The following CADM2 variants were observed in gnomAD, a reference collection of about 807,000 sequenced individuals.
CADM2 encodes immunoglobulin superfamily member 4D.
A neutral mutation model predicts 49.8 loss-of-function variants in CADM2; 12 were observed. The observed-to-expected ratio is 0.24, with a 90% CI of 0.15 to 0.39. The LOEUF (loss-of-function observed/expected upper bound fraction) is 0.39. Ranked by LOEUF, CADM2 falls within the 10% of genes least tolerant of loss-of-function variation. CADM2 has a pLI of 1.00. For synonymous variants in CADM2, 214 were observed against 175.4 expected, an observed-to-expected ratio of 1.22 and a Z score of -1.74; for missense variants, 378 against 492.3, an observed-to-expected ratio of 0.77 and a Z score of 2.20.
chr3:85,624,083 G>T (rs1247391353), intron 1 of CADM2, among the ~76,000 whole-genome samples: 1 of 151,880 alleles, frequency 6.6e-6, no homozygotes, highest in Non-Finnish European at 1.5e-5. Flanking sequence ...TATTTAATTG[G>T]CATATTTAAA....
At chr3:85,795,503 T>C (rs1372967361) in intron 2 of CADM2, among the ~76,000 whole-genome samples, 1 of 152,148 alleles carries the variant, frequency 6.6e-6, no homozygotes, top group Non-Finnish European at 1.5e-5. Flanking sequence ...ACTAAAATCA[T>C]ACTTCAAAGT....
At chr3:86,013,457 G>A in intron 8 of CADM2, 1 of 1,589,982 alleles carries the variant, frequency 6.3e-7, no homozygotes, top group Middle Eastern at 2.3e-4. Flanking sequence ...CACTGCTGGA[G>A]TGCCAGATAA....
At chr3:85,359,651 TA>T (rs1389085980) in intron 1 of CADM2, among the ~76,000 whole-genome samples, 2 of 15,286 alleles carry the variant, frequency 1.3e-4, no homozygotes, top group East Asian at 1.3e-3. Flanking sequence ...TATATATATA[TA>T]TATATATATA....
chr3:85,419,863 T>C (rs73845501), intron 1 of CADM2, among the ~76,000 whole-genome samples: 1,763 of 152,074 alleles, frequency 0.012, 28 homozygotes, highest in African/African-American at 0.041. Flanking sequence ...CCTGGAGAGT[T>C]TTTTCAAAGC....
intron 1 of CADM2, among the ~76,000 whole-genome samples, chr3:85,157,510 GA>G (rs1354710943): frequency 3.3e-5 from 5 of 152,090 alleles, no homozygotes; most frequent in Non-Finnish European, 7.3e-5. Context: ...CAATGAAACA[GA>G]ACAGAGCCCT....
intron 1 of CADM2, among the ~76,000 whole-genome samples, chr3:85,205,104 A>G (rs1576113613): frequency 6.7e-6 from 1 of 149,530 alleles, no homozygotes; most frequent in East Asian, 2.0e-4. Flanking sequence ...TGCAGCCTCC[A>G]CCTCATGGGC....
intron 1 of CADM2, among the ~76,000 whole-genome samples, chr3:85,408,808 C>T (rs1249672883): frequency 6.6e-6 from 1 of 152,090 alleles, no homozygotes; most frequent in Non-Finnish European, 1.5e-5. Flanking sequence ...ACTTAGATGC[C>T]ACCATAGTCT....
intron 8 of CADM2, among the ~76,000 whole-genome samples, chr3:86,034,346 G>A (rs2107176914): frequency 6.6e-6 from 1 of 152,094 alleles, no homozygotes; most frequent in East Asian, 1.9e-4. Flanking sequence ...ATTAGGTCAT[G>A]AAGGTGGTGC....
intron 1 of CADM2, among the ~76,000 whole-genome samples, chr3:85,590,374 CT>C (rs2063071786): frequency 6.6e-6 from 1 of 151,924 alleles, no homozygotes; most frequent in East Asian, 1.9e-4. Context: ...CTTTATAGTA[CT>C]TGACCTCAAT....
intron 3 of CADM2, among the ~76,000 whole-genome samples, chr3:85,852,361 T>A (rs967891350): frequency 6.6e-6 from 1 of 152,072 alleles, no homozygotes; most frequent in African/African-American, 2.4e-5. Flanking sequence ...TTTTTCTCTC[T>A]CCAGAAGACT....
At chr3:85,212,812 CTCTTTCTTTCTTTCTTTCTTTCTTTCTT>C (rs61255712) in intron 1 of CADM2, among the ~76,000 whole-genome samples, 66 of 102,642 alleles carry the variant, frequency 6.4e-4, no homozygotes, top group African/African-American at 1.9e-3. Flanking sequence ...TCTTTTTCTT[CTCTTTCTTTCTTTCTTTCTTTCTTTCTT>C]TCTTTCTTTC....
At chr3:85,062,634 T>C (rs1470227959) in intron 1 of CADM2, among the ~76,000 whole-genome samples, 1 of 151,824 alleles carries the variant, frequency 6.6e-6, no homozygotes, top group Non-Finnish European at 1.5e-5. Context: ...AAATGACTTA[T>C]CAATATAAGG....
At chr3:85,927,738 G>A (rs574623416) in intron 6 of CADM2, among the ~76,000 whole-genome samples, 4 of 151,996 alleles carry the variant, frequency 2.6e-5, no homozygotes, top group Non-Finnish European at 4.4e-5. Context: ...CTCTTACTTA[G>A]CATTTTGGCC....
chr3:85,300,613 G>T (rs1316190826), intron 1 of CADM2, among the ~76,000 whole-genome samples: 1 of 152,090 alleles, frequency 6.6e-6, no homozygotes, highest in African/African-American at 2.4e-5. Flanking sequence ...CCAAGATCAA[G>T]AAACTAGAGG....
intron 1 of CADM2, among the ~76,000 whole-genome samples, chr3:85,597,584 A>G (rs564261237): frequency 1.3e-5 from 2 of 152,212 alleles, no homozygotes; most frequent in South Asian, 4.1e-4. Flanking sequence ...GGAGCTAGAA[A>G]TCTGTGCTTT....
intron 1 of CADM2, among the ~76,000 whole-genome samples, chr3:85,421,586 G>A (rs2036174157): frequency 6.6e-6 from 1 of 152,160 alleles, no homozygotes; most frequent in Admixed American, 6.5e-5. Flanking sequence ...CATGAAAACT[G>A]ATTACCTACA....
At chr3:85,391,153 C>T (rs2034498641) in intron 1 of CADM2, among the ~76,000 whole-genome samples, 1 of 151,684 alleles carries the variant, frequency 6.6e-6, no homozygotes, top group Non-Finnish European at 1.5e-5. Flanking sequence ...CTTCTTCTTT[C>T]CAATAGATTG....
rs747425769 is a variant in CADM2, at chr3:85,487,739, CGTGTGTGCGT to C, written c.62-238765_62-238756del. ...AAATAAACCTCTGTGTGTGTGTGTG[CGTGTGTGCGT>C]GTGTGTGCGTGTGTGTGTGCGTGCG... On this transcript the variant is annotated intron_variant, in intron 1 of 9. Coordinates refer to ENST00000383699, the MANE Select transcript of CADM2 (RefSeq NM_001167675.2). Among the ~76,000 whole-genome samples, 160 of 148,960 alleles carry C rather than the reference CGTGTGTGCGT, an allele frequency of 1.1e-3. 1 individual carries two copies. The highest frequency in any genetic ancestry group is 1.0e-3 in the Non-Finnish European group (70 of 67,212).
rs541688882 is a variant in CADM2 at position 85,088,585 on chromosome 3, T to C, written c.61+128917T>C. Among the ~76,000 whole-genome samples the C allele has an allele frequency of 1.3e-3, 198 of 152,188 alleles. 1 individual carries two copies. Among genetic ancestry groups the C allele is most frequent in the African/African-American group, 4.3e-3 (180 of 41,536 alleles). ...TGGTTCTAATTAGGAAATAGGCCTCTGAAAACAACTGCAAGCAGGTCTTTA... is the reference window on the plus strand; with the variant it reads ...TGGTTCTAATTAGGAAATAGGCCTCCGAAAACAACTGCAAGCAGGTCTTTA... On this transcript the variant is annotated intron_variant, in intron 1 of 9. Coordinates refer to ENST00000383699, the MANE Select transcript of CADM2 (RefSeq NM_001167675.2).
Sources: gnomAD v4.1 joint callset for allele counts (sites outside exome capture counted in the v4.1 genomes callset) on GRCh38, gnomAD v4.1.1 for gene constraint, MANE v1.5 for transcripts, NCBI Gene and HGNC (gene_info 2026-07-23, HGNC 2026-07-21) for gene names.